The following THSD7A variants were observed in gnomAD, a reference collection of about 807,000 sequenced individuals.
The protein encoded by THSD7A is thrombospondin type 1 domain containing 7A.
A neutral mutation model predicts 231.3 loss-of-function variants in THSD7A; 96 were observed. The observed-to-expected ratio is 0.41, with a 90% CI of 0.35 to 0.49. The LOEUF (loss-of-function observed/expected upper bound fraction) is 0.49. Among genes scored for constraint, THSD7A ranks in the 20% least tolerant of loss-of-function variants. THSD7A has a pLI of 0.05. For missense variants in THSD7A, 2,290 were observed against 2,070.2 expected, an observed-to-expected ratio of 1.11 and a Z score of -2.06; for synonymous variants, 940 against 743.3, an observed-to-expected ratio of 1.26 and a Z score of -4.30.
intron 6 of THSD7A, among the ~76,000 whole-genome samples, chr7:11,535,438 T>A (rs1353645149): frequency 1.3e-5 from 2 of 152,014 alleles, no homozygotes; most frequent in African/African-American, 4.8e-5. Context: ...ACATATTGCT[T>A]GAAATTTTCT....
intron 23 of THSD7A, 48 bp from the exon 24 acceptor site, chr7:11,382,664 G>C: frequency 1.5e-6 from 2 of 1,336,156 alleles, no homozygotes; most frequent in Non-Finnish European, 2.1e-6. Context: ...TTACCCAGAA[G>C]GACAATCATG....
At chr7:11,705,379 T>C (rs1192831001) in intron 1 of THSD7A, among the ~76,000 whole-genome samples, 2 of 151,098 alleles carry the variant, frequency 1.3e-5, no homozygotes, top group Admixed American at 6.6e-5. Flanking sequence ...GTAAATGCAT[T>C]ATCCCATTTA....
chr7:11,503,585 C>G (rs552339635), intron 6 of THSD7A, among the ~76,000 whole-genome samples: 2 of 144,196 alleles, frequency 1.4e-5, no homozygotes, highest in South Asian at 5.1e-4. Context: ...AATCCAGCAT[C>G]TATAACGAAC....
chr7:11,737,093 A>C (rs1373224800), intron 1 of THSD7A, among the ~76,000 whole-genome samples: 3 of 152,070 alleles, frequency 2.0e-5, no homozygotes, highest in African/African-American at 7.2e-5. Context: ...TGAGTCAATT[A>C]AACTCCTTTC....
At chr7:11,503,729 T>C (rs1787431868) in intron 6 of THSD7A, among the ~76,000 whole-genome samples, 1 of 152,178 alleles carries the variant, frequency 6.6e-6, no homozygotes, top group African/African-American at 2.4e-5. Flanking sequence ...CACTGATCAT[T>C]AGAGAAATGC....
chr7:11,756,271 G>A (rs1246846896), intron 1 of THSD7A, among the ~76,000 whole-genome samples: 2 of 152,062 alleles, frequency 1.3e-5, no homozygotes, highest in African/African-American at 2.4e-5. Flanking sequence ...TAAATGTTGT[G>A]CATACAAAGA....
chr7:11,523,745 C>T (rs1348338637), intron 6 of THSD7A, among the ~76,000 whole-genome samples: 1 of 152,048 alleles, frequency 6.6e-6, no homozygotes, highest in Non-Finnish European at 1.5e-5. Flanking sequence ...ATATACTGGT[C>T]TGTTGTACGT....
Position 11,676,086 on chromosome 7 carries a change from C to T in THSD7A, c.191-39125G>A, listed in dbSNP as rs140039401. Among the ~76,000 whole-genome samples the T allele has an allele frequency of 9.0e-3, 1,371 of 152,332 alleles. 36 individuals carry two copies. The highest frequency in any genetic ancestry group is 0.031 in the African/African-American group (1,293 of 41,580). On this transcript the variant is annotated intron_variant, in intron 1 of 27. Transcript: ENST00000423059. The stretch of plus-strand genomic sequence containing the variant: ...AAGAAGGAGCAAGCAGCAATCTTTG[C>T]TGTTCTGTAGCCTCTGCTGGTGATA...
chr7:11,747,296 A>G (rs2128163419), intron 1 of THSD7A, among the ~76,000 whole-genome samples: 1 of 152,042 alleles, frequency 6.6e-6, no homozygotes, highest in African/African-American at 2.4e-5. Flanking sequence ...AAGTAGCCCT[A>G]TGGATGAGAA....
intron 1 of THSD7A, among the ~76,000 whole-genome samples, chr7:11,656,414 G>A (rs1782707967): frequency 6.6e-6 from 1 of 151,846 alleles, no homozygotes; most frequent in Admixed American, 6.6e-5. Context: ...AACGGTCATA[G>A]GGGCTCACAG....
At position 11,403,699 on chromosome 7, in the gene THSD7A, T is replaced by A. The variant is rs1475802910; in HGVS notation, c.4238-1731A>T. ...TTATTTTGCAACAAAATGTAATAAA[T>A]CTTTTAATGATAGTCTGTGAGTTAT... On this transcript the variant is annotated intron_variant, in intron 22 of 27. Coordinates refer to ENST00000423059, the MANE Select transcript of THSD7A (RefSeq NM_015204.3). 2.6e-5 allele frequency among the ~76,000 whole-genome samples: 4 copies of A among 152,318 alleles called. No homozygotes were observed. In the South Asian group the frequency reaches 6.2e-4, roughly 24 times the overall value.
At position 11,719,625 on chromosome 7, in the gene THSD7A, T is replaced by A. The variant is rs542716555; in HGVS notation, c.191-82664A>T. ...ATGCCCAGTGATCCCCTCAATGAGTTATTTTTCTCCTCCTCAACTCCACTC... is the reference window on the plus strand; with the variant it reads ...ATGCCCAGTGATCCCCTCAATGAGTAATTTTTCTCCTCCTCAACTCCACTC... On this transcript the variant is annotated intron_variant, in intron 1 of 27. Coordinates refer to ENST00000423059, the MANE Select transcript of THSD7A (RefSeq NM_015204.3). Among the ~76,000 whole-genome samples, 38 of 151,772 alleles carry A rather than the reference T, an allele frequency of 2.5e-4. No homozygotes were observed. In the South Asian group the frequency reaches 7.5e-3, roughly 30 times the overall value.
At chr7:11,716,697 C>A (rs1458881578) in intron 1 of THSD7A, among the ~76,000 whole-genome samples, 1 of 151,454 alleles carries the variant, frequency 6.6e-6, no homozygotes, top group African/African-American at 2.4e-5. Context: ...TCTATATCAC[C>A]ACTGCTTGCC....
chr7:11,430,060 T>C (rs1348184751), intron 13 of THSD7A, among the ~76,000 whole-genome samples: 1 of 152,218 alleles, frequency 6.6e-6, no homozygotes, highest in African/African-American at 2.4e-5. Flanking sequence ...TTGTCCTCTA[T>C]AATAGTCTGA....
Position 11,411,122 on chromosome 7 carries a change from T to A in THSD7A, c.3798+85A>T. On this transcript the variant is annotated intron_variant, in intron 19 of 27. Coordinates refer to ENST00000423059, the MANE Select transcript of THSD7A (RefSeq NM_015204.3). This position sits in a 1 kb window ranked among gnomAD's most constrained non-coding sequence, Gnocchi z 4.1. ...AAACATCTGCTGGCAATGAGCTGCA[T>A]GGAGCACGGGTCACTTGGCTCAGCA... The A allele has an allele frequency of 1.0e-6, 1 of 971,846 alleles. No individual in the cohort carries two copies. The highest frequency in any genetic ancestry group is 2.5e-5 in the East Asian group (1 of 40,238). The allele number at this position is 971,846 out of a possible 1,614,324, so 60.2% of individuals were successfully genotyped here.
intron 1 of THSD7A, among the ~76,000 whole-genome samples, chr7:11,750,713 C>T (rs1050479575): frequency 1.3e-4 from 19 of 151,942 alleles, no homozygotes; most frequent in South Asian, 4.1e-4. Context: ...TAGGAAGATC[C>T]GGCACTTGTA....
Position 11,674,243 on chromosome 7 carries a change from G to C in THSD7A, c.191-37282C>G, listed in dbSNP as rs531596400. Among the ~76,000 whole-genome samples, 10 of 152,176 alleles carry C rather than the reference G, an allele frequency of 6.6e-5. No individual in the cohort carries two copies. In the East Asian group the frequency reaches 1.2e-3, roughly 18 times the overall value. ...GCCTGGAAATGGATTTAGAAAGGGG[G>C]TCATCTCTCACGCCCTGCCTCCCCT... On this transcript the variant is annotated intron_variant, in intron 1 of 27. Coordinates refer to ENST00000423059, the MANE Select transcript of THSD7A (RefSeq NM_015204.3).
At chr7:11,628,108 G>C (rs1197034187) in intron 2 of THSD7A, among the ~76,000 whole-genome samples, 1 of 151,894 alleles carries the variant, frequency 6.6e-6, no homozygotes, top group Non-Finnish European at 1.5e-5. Flanking sequence ...TTTTATAATA[G>C]CAAATGTATA....
chr7:11,675,510 A>C (rs1783601454), intron 1 of THSD7A, among the ~76,000 whole-genome samples: 1 of 152,188 alleles, frequency 6.6e-6, no homozygotes, highest in Admixed American at 6.5e-5. Context: ...GCTAAGATCC[A>C]CTGGCTTGAA....
Sources: allele counts gnomAD v4.1 joint callset (sites outside exome capture counted in the v4.1 genomes callset), GRCh38; gene constraint gnomAD v4.1.1; non-coding constraint Gnocchi (gnomAD v3.1); transcripts MANE v1.5; gene names NCBI Gene and HGNC (gene_info 2026-07-23, HGNC 2026-07-21).